PDE4D: variants seen among roughly 807,000 people sequenced by gnomAD.
PDE4D encodes phosphodiesterase 4D, also known as 3',5'-cyclic-AMP phosphodiesterase 4D.
A neutral mutation model predicts 87.4 loss-of-function variants in PDE4D; 24 were observed. The ratio of observed to expected loss-of-function variants is 0.27; its 90% CI spans 0.20 to 0.39. The LOEUF (loss-of-function observed/expected upper bound fraction) is 0.39. Ranked by LOEUF, PDE4D falls within the 10% of genes least tolerant of loss-of-function variation. The pLI is 1.00. For missense variants in PDE4D, 714 were observed against 1,041.0 expected (o/e 0.69, Z 4.32); for synonymous variants, 384 against 383.2 (o/e 1.00, Z -0.02).
rs754869518 is a variant in PDE4D, at chr5:59,754,797, A to ATTTTTTTTTTTTTTTTTTTTTT, written c.455+138349_455+138370dup. 1.5e-4 allele frequency among the ~76,000 whole-genome samples: 15 copies of ATTTTTTTTTTTTTTTTTTTTTT among 96,912 alleles called. 7 individuals are homozygous for ATTTTTTTTTTTTTTTTTTTTTT. Among genetic ancestry groups the ATTTTTTTTTTTTTTTTTTTTTT allele is most frequent in the South Asian group, 3.6e-4 (1 of 2,770 alleles). 63.6% of individuals were successfully genotyped at this position (96,912 alleles called of 152,430 possible). ...GCAGGTACAGAATTTTCCACAGAAC[A>ATTTTTTTTTTTTTTTTTTTTTT]TTTTTTTTTTTTTTTTTTTTTTTTT... is the stretch of plus-strand genomic sequence containing the variant. On this transcript the variant is annotated intron_variant, in intron 1 of 14. Transcript: ENST00000340635.
At chr5:59,417,549 T>C (rs571715297) in intron 1 of PDE4D, among the ~76,000 whole-genome samples, 1 of 152,178 alleles carries the variant, frequency 6.6e-6, no homozygotes, top group African/African-American at 2.4e-5. Context: ...TTTTTTTTTT[T>C]TAATAAACAA....
chr5:59,385,701 T>C (rs189053142), intron 1 of PDE4D, among the ~76,000 whole-genome samples: 3 of 152,254 alleles, frequency 2.0e-5, no homozygotes, highest in Admixed American at 6.5e-5. Flanking sequence ...GGGAAGGAGA[T>C]AGTATAGAGT....
intron 1 of PDE4D, among the ~76,000 whole-genome samples, chr5:59,464,634 G>T (rs1437233561): frequency 6.6e-6 from 1 of 152,100 alleles, no homozygotes; most frequent in Non-Finnish European, 1.5e-5. Flanking sequence ...CTGAACGCTG[G>T]TTCCCTGGGT....
chr5:59,491,938 A>T (rs977179927), intron 1 of PDE4D, among the ~76,000 whole-genome samples: 2 of 152,188 alleles, frequency 1.3e-5, no homozygotes, highest in Admixed American at 1.3e-4. Flanking sequence ...TGCAACCCAG[A>T]TACCCATTCA....
At chr5:59,842,112 T>C (rs1157241338) in intron 1 of PDE4D, among the ~76,000 whole-genome samples, 1 of 151,910 alleles carries the variant, frequency 6.6e-6, no homozygotes, top group Non-Finnish European at 1.5e-5. Flanking sequence ...GGTTTCCAGG[T>C]GGAACATGCA....
At chr5:59,677,672 A>C (rs1369418004) in intron 1 of PDE4D, among the ~76,000 whole-genome samples, 1 of 152,236 alleles carries the variant, frequency 6.6e-6, no homozygotes, top group Admixed American at 6.5e-5. Context: ...TGGTAACAGC[A>C]GGATGTGTAC....
chr5:60,155,436 G>A (rs1026021651), intron 2 of PDE4D, among the ~76,000 whole-genome samples: 1 of 152,144 alleles, frequency 6.6e-6, no homozygotes, highest in African/African-American at 2.4e-5. Flanking sequence ...CTAATGGGAT[G>A]TGTGTCTCAT....
At chr5:60,230,818 T>A (rs1028384041) in intron 1 of PDE4D, among the ~76,000 whole-genome samples, 1 of 152,088 alleles carries the variant, frequency 6.6e-6, no homozygotes, top group African/African-American at 2.4e-5. Flanking sequence ...TAAAGTGAAG[T>A]GGAGCTTAGG....
At chr5:60,392,245 G>C (rs1005405917) in intron 1 of PDE4D, among the ~76,000 whole-genome samples, 11 of 152,146 alleles carry the variant, frequency 7.2e-5, no homozygotes, top group African/African-American at 1.7e-4. Flanking sequence ...ATTATCACTT[G>C]CAAGTTTGAA....
intron 1 of PDE4D, among the ~76,000 whole-genome samples, chr5:60,325,765 C>G (rs1779682088): frequency 6.6e-6 from 1 of 152,108 alleles, no homozygotes. Flanking sequence ...CCATTATCAG[C>G]AGGATCTCCC....
intron 1 of PDE4D, among the ~76,000 whole-genome samples, chr5:59,795,034 G>A (rs1445208249): frequency 6.6e-6 from 1 of 152,154 alleles, no homozygotes; most frequent in Non-Finnish European, 1.5e-5. Flanking sequence ...TTCCTCATCT[G>A]CAATACCAGG....
chr5:59,959,108 G>A (rs569079159), intron 3 of PDE4D, among the ~76,000 whole-genome samples: 173 of 55,280 alleles, frequency 3.1e-3, no homozygotes, highest in African/African-American at 0.012. Flanking sequence ...ACACACACAC[G>A]CAGGTGCACA....
chr5:60,061,347 T>G (rs1384700320), intron 2 of PDE4D, among the ~76,000 whole-genome samples: 2 of 151,840 alleles, frequency 1.3e-5, no homozygotes, highest in African/African-American at 4.8e-5. Context: ...ACAAAGAGAA[T>G]AAAACACCTA....
chr5:59,215,677 GAGTGATAC>G, intron 2 of PDE4D, 92 bp downstream of exon 2: 1 of 970,862 alleles, frequency 1.0e-6, no homozygotes, highest in Non-Finnish European at 1.6e-6. Flanking sequence ...CATTGGAGGA[GAGTGATAC>G]AGTTGAACAA....
chr5:59,253,899 A>AT (rs1760464630), intron 1 of PDE4D, among the ~76,000 whole-genome samples: 1 of 152,172 alleles, frequency 6.6e-6, no homozygotes. Context: ...ATGAGTGAAT[A>AT]TAAGAATGAA....
At chr5:60,395,959 C>T (rs1245818105) in intron 1 of PDE4D, among the ~76,000 whole-genome samples, 1 of 152,114 alleles carries the variant, frequency 6.6e-6, no homozygotes, top group Non-Finnish European at 1.5e-5. Flanking sequence ...AGGTACTCCG[C>T]TCAAGCAGGC....
intron 1 of PDE4D, among the ~76,000 whole-genome samples, chr5:59,445,797 T>C (rs1245979610): frequency 6.6e-6 from 1 of 152,212 alleles, no homozygotes; most frequent in Non-Finnish European, 1.5e-5. Flanking sequence ...TATAATTCAC[T>C]TTTGAAAAAT....
intron 1 of PDE4D, among the ~76,000 whole-genome samples, chr5:59,764,989 C>G (rs73109084): frequency 0.052 from 7,967 of 152,152 alleles, 736 homozygotes; most frequent in African/African-American, 0.18. Flanking sequence ...CATGAGAACA[C>G]TAAAATATTG....
chr5:59,702,169 G>C (rs1306275637), intron 1 of PDE4D, among the ~76,000 whole-genome samples: 2 of 152,100 alleles, frequency 1.3e-5, no homozygotes, highest in African/African-American at 2.4e-5. Flanking sequence ...TGTCGCCCAG[G>C]CTGGAGTGCA....
Sources: gnomAD v4.1 joint callset for allele counts (sites outside exome capture counted in the v4.1 genomes callset) on GRCh38, gnomAD v4.1.1 for gene constraint, MANE v1.5 for transcripts, NCBI Gene and HGNC (gene_info 2026-07-23, HGNC 2026-07-21) for gene names.